PCDHA5: variants seen among roughly 807,000 people sequenced by gnomAD.
PCDHA5 encodes the protein protocadherin alpha-5.
In PCDHA5, 43 loss-of-function variants were observed where a neutral mutation model predicts 61.6. The observed-to-expected ratio is 0.70, with a 90% confidence interval of 0.55 to 0.90. The LOEUF (loss-of-function observed/expected upper bound fraction) is 0.90. Ranked by LOEUF, PCDHA5 falls within the 40% of genes least tolerant of loss-of-function variation. The pLI is 0.00. For missense variants in PCDHA5, 1,298 were observed against 1,222.7 expected (o/e 1.06, Z -0.92); for synonymous variants, 627 against 543.9 (o/e 1.15, Z -2.13).
intron 1 of PCDHA5, among the ~76,000 whole-genome samples, chr5:140,873,375 T>G (rs251375): frequency 0.44 from 67,180 of 152,024 alleles, 15,319 homozygotes; most frequent in South Asian, 0.58. Flanking sequence ...GAAGATCTTT[T>G]AAAGACTTGG....
At chr5:141,006,415 G>C (rs185861703) in intron 3 of PCDHA5, among the ~76,000 whole-genome samples, 2 of 152,146 alleles carry the variant, frequency 1.3e-5, no homozygotes, top group African/African-American at 2.4e-5. Flanking sequence ...CGGTTTCACT[G>C]TGTTAGCCAG....
chr5:140,824,554 T>C (rs1311403031), intron 1 of PCDHA5: 1 of 179,802 alleles, frequency 5.6e-6, no homozygotes, highest in African/African-American at 2.4e-5. Flanking sequence ...TGGGCTCAAG[T>C]GATCCTCCTA....
At chr5:140,943,050 A>G (rs1450755005) in intron 1 of PCDHA5, among the ~76,000 whole-genome samples, 1 of 152,044 alleles carries the variant, frequency 6.6e-6, no homozygotes, top group African/African-American at 2.4e-5. Flanking sequence ...TGAGGTCAGG[A>G]GTTCAAGAAC....
intron 1 of PCDHA5, chr5:140,875,963 T>C: frequency 4.3e-6 from 7 of 1,614,122 alleles, no homozygotes; most frequent in Non-Finnish European, 5.9e-6. Context: ...GATATCGGCG[T>C]AAACTCTCTT....
At chr5:140,863,601 A>G (rs781889102) in intron 1 of PCDHA5, 1 of 355,024 alleles carries the variant, frequency 2.8e-6, no homozygotes, top group Non-Finnish European at 5.6e-6. Flanking sequence ...TTTCATTCCT[A>G]TTAATGTCCC....
At position 140,953,007 on chromosome 5, in the gene PCDHA5, T is replaced by C. The variant is rs186896706; in HGVS notation, c.2353-25942T>C. ...TCTCATGAGAACTCTCTCACTATTA[T>C]GAGAACAACATTAAGGGGGAAATCC... On this transcript the variant is annotated intron_variant, in intron 1 of 3. Transcript: ENST00000529859. 5.5e-4 allele frequency among the ~76,000 whole-genome samples: 84 copies of C among 152,242 alleles called. 1 individual carries two copies. In the East Asian group the frequency reaches 0.015, roughly 27 times the overall value.
intron 1 of PCDHA5, chr5:140,968,986 A>C (rs143656335): frequency 6.8e-6 from 11 of 1,614,206 alleles, no homozygotes; most frequent in East Asian, 6.7e-5. Context: ...ATGGCACTGC[A>C]TGCTGTGGAG....
intron 1 of PCDHA5, chr5:140,871,086 G>A (rs556097993): frequency 6.6e-5 from 106 of 1,613,256 alleles, no homozygotes; most frequent in Middle Eastern, 1.6e-4. Flanking sequence ...TGACGGCCAC[G>A]GCCACCGTGC....
At position 140,912,253 on chromosome 5, in the gene PCDHA5, G is replaced by A. The variant is rs531201374; in HGVS notation, c.2353-66696G>A. Among the ~76,000 whole-genome samples the A allele has an allele frequency of 4.8e-4, 73 of 152,064 alleles. 1 individual carries two copies. The highest frequency in any genetic ancestry group is 1.5e-3 in the South Asian group (7 of 4,810). ...ACTGACTCAAATGTTAATCTCCTTTGATGACACCCTCACAGATATACCCAG... is the reference window on the plus strand; with the variant it reads ...ACTGACTCAAATGTTAATCTCCTTTAATGACACCCTCACAGATATACCCAG... On this transcript the variant is annotated intron_variant, in intron 1 of 3. Coordinates refer to ENST00000529859, the MANE Select transcript of PCDHA5 (RefSeq NM_018908.3).
intron 1 of PCDHA5, chr5:140,829,132 C>G (rs138194639): frequency 1.2e-6 from 2 of 1,612,864 alleles, no homozygotes; most frequent in African/African-American, 2.7e-5. Context: ...ATGATAACGT[C>G]CCTGAGATAG....
intron 1 of PCDHA5, among the ~76,000 whole-genome samples, chr5:140,873,279 A>G (rs1292548146): frequency 6.6e-6 from 1 of 152,200 alleles, no homozygotes; most frequent in African/African-American, 2.4e-5. Flanking sequence ...CCATCATACC[A>G]CTTATGAAAC....
chr5:140,831,811 G>A (rs1771711397), intron 1 of PCDHA5, among the ~76,000 whole-genome samples: 1 of 152,006 alleles, frequency 6.6e-6, no homozygotes, highest in African/African-American at 2.4e-5. Flanking sequence ...CTGTAAAGTT[G>A]GAATGATAAA....
intron 1 of PCDHA5, among the ~76,000 whole-genome samples, chr5:140,897,136 A>G (rs1206983852): frequency 6.6e-6 from 1 of 152,096 alleles, no homozygotes; most frequent in Admixed American, 6.5e-5. Context: ...TAAACTTTCT[A>G]GCCTTTGTTA....
At chr5:140,936,849 G>A (rs927747848) in intron 1 of PCDHA5, among the ~76,000 whole-genome samples, 1 of 152,006 alleles carries the variant, frequency 6.6e-6, no homozygotes, top group Non-Finnish European at 1.5e-5. Context: ...TGTAGATTCA[G>A]CTTCTCAGTT....
At chr5:140,924,064 G>T (rs1584331926) in intron 1 of PCDHA5, among the ~76,000 whole-genome samples, 1 of 152,172 alleles carries the variant, frequency 6.6e-6, no homozygotes. Context: ...CTTTACAGTT[G>T]TATTTCATCT....
intron 1 of PCDHA5, among the ~76,000 whole-genome samples, chr5:140,978,185 G>C (rs1177844558): frequency 1.3e-5 from 2 of 152,168 alleles, no homozygotes; most frequent in East Asian, 3.8e-4. Context: ...GAGGGCAACA[G>C]ATCTTTTCAA....
At chr5:140,845,856 G>A (rs1378548542) in intron 1 of PCDHA5, among the ~76,000 whole-genome samples, 1 of 149,684 alleles carries the variant, frequency 6.7e-6, no homozygotes, top group Non-Finnish European at 1.5e-5. Flanking sequence ...AGAAGTTAGT[G>A]ATTGCAGAAA....
intron 1 of PCDHA5, among the ~76,000 whole-genome samples, chr5:140,934,108 T>C (rs574657499): frequency 6.6e-6 from 1 of 152,276 alleles, no homozygotes; most frequent in East Asian, 1.9e-4. Flanking sequence ...TCTATTTTAT[T>C]AATTTTCATA....
chr5:140,937,588 G>T (rs1414065719), intron 1 of PCDHA5, among the ~76,000 whole-genome samples: 1 of 151,364 alleles, frequency 6.6e-6, no homozygotes, highest in African/African-American at 2.4e-5. Context: ...CTGCACTCTA[G>T]CCTGGGCAAC....
Sources: gnomAD v4.1 joint callset for allele counts (sites outside exome capture counted in the v4.1 genomes callset) on GRCh38, gnomAD v4.1.1 for gene constraint, MANE v1.5 for transcripts, NCBI Gene and HGNC (gene_info 2026-07-23, HGNC 2026-07-21) for gene names.